PDZRN4: variants seen among roughly 807,000 people sequenced by gnomAD.
The protein encoded by PDZRN4 is PDZ domain containing ring finger 4, also known as PDZ domain-containing RING finger protein 4.
PDZRN4 carries 70 observed loss-of-function variants against 99.0 expected under a neutral mutation model. The ratio of observed to expected loss-of-function variants is 0.71; its 90% CI spans 0.58 to 0.86. The LOEUF (loss-of-function observed/expected upper bound fraction) is 0.86. PDZRN4 is among the 40% of genes least tolerant of loss of function. The pLI, the probability that PDZRN4 is intolerant of heterozygous loss-of-function variation, is 0.00. For missense variants in PDZRN4, 1,474 were observed against 1,331.2 expected (o/e 1.11, Z -1.67); for synonymous variants, 551 against 501.6 (o/e 1.10, Z -1.32).
intron 3 of PDZRN4, among the ~76,000 whole-genome samples, chr12:41,440,505 C>G (rs1952669605): frequency 6.6e-6 from 1 of 152,002 alleles, no homozygotes. Flanking sequence ...CTGAGGAGTC[C>G]AGTAAAACAA....
At chr12:41,235,619 T>C (rs1279207169) in intron 3 of PDZRN4, among the ~76,000 whole-genome samples, 1 of 152,086 alleles carries the variant, frequency 6.6e-6, no homozygotes, top group Non-Finnish European at 1.5e-5. Context: ...CTTATGTTTT[T>C]TAGAAAAAAA....
intron 3 of PDZRN4, among the ~76,000 whole-genome samples, chr12:41,222,446 A>G (rs1373331026): frequency 1.3e-5 from 2 of 152,268 alleles, no homozygotes; most frequent in African/African-American, 4.8e-5. Flanking sequence ...CTCATTTCGT[A>G]TAAAATGAGT....
chr12:41,382,238 T>C (rs1952133243), intron 3 of PDZRN4, among the ~76,000 whole-genome samples: 1 of 152,168 alleles, frequency 6.6e-6, no homozygotes, highest in South Asian at 2.1e-4. Flanking sequence ...TCTTGCTACA[T>C]TTTCAGGAAT....
At chr12:41,424,868 C>T (rs1208760404) in intron 3 of PDZRN4, among the ~76,000 whole-genome samples, 2 of 152,044 alleles carry the variant, frequency 1.3e-5, no homozygotes, top group African/African-American at 4.8e-5. Flanking sequence ...TGTAAGAGGC[C>T]AGGCCTGACA....
chr12:41,197,080 C>T (rs994069610), intron 3 of PDZRN4, among the ~76,000 whole-genome samples: 1 of 151,958 alleles, frequency 6.6e-6, no homozygotes, highest in African/African-American at 2.4e-5. Flanking sequence ...ATAAGAGATT[C>T]TATGGTTTAT....
At chr12:41,531,581 G>C (rs1021676115) in intron 5 of PDZRN4, among the ~76,000 whole-genome samples, 3 of 152,112 alleles carry the variant, frequency 2.0e-5, no homozygotes. Context: ...CATTTGGGCA[G>C]GAAAAGAAAA....
At chr12:41,350,698 T>C (rs898915171) in intron 3 of PDZRN4, among the ~76,000 whole-genome samples, 1 of 152,122 alleles carries the variant, frequency 6.6e-6, no homozygotes, top group Admixed American at 6.6e-5. Flanking sequence ...AAACAATAGA[T>C]ATAACTTTCA....
chr12:41,233,696 C>A (rs1184392199), intron 3 of PDZRN4, among the ~76,000 whole-genome samples: 1 of 151,870 alleles, frequency 6.6e-6, no homozygotes, highest in Admixed American at 6.6e-5. Flanking sequence ...GGACAAAAAA[C>A]CAAACACCGC....
rs571185631 is a variant in PDZRN4 at position 41,225,419 on chromosome 12, C to T, written c.843+31231C>T. Among the ~76,000 whole-genome samples, 3 of 132,988 alleles carry T rather than the reference C, an allele frequency of 2.3e-5. No individual in the cohort carries two copies. The South Asian group carries it at 8.2e-4, about 36-fold the overall frequency. The allele number at this position is 132,988 out of a possible 152,430, so 87.2% of individuals were successfully genotyped here. A position where few individuals can be genotyped will look rare whatever the true frequency, so the allele number is the denominator to read the frequency against. On this transcript the variant is annotated intron_variant, in intron 3 of 9. Transcript: ENST00000402685. The stretch of plus-strand genomic sequence containing the variant: ...CATTCATATTGGGAAGTATAATTCA[C>T]TTTATATTACACTGTGTTTTTTTTT...
chr12:41,417,934 T>TAA (rs1952457558), intron 3 of PDZRN4, among the ~76,000 whole-genome samples: 1 of 152,238 alleles, frequency 6.6e-6, no homozygotes, highest in South Asian at 2.1e-4. Flanking sequence ...GATAGCCATG[T>TAA]AACACAAACT....
intron 3 of PDZRN4, among the ~76,000 whole-genome samples, chr12:41,252,745 A>G (rs2120812178): frequency 6.6e-6 from 1 of 152,272 alleles, no homozygotes; most frequent in South Asian, 2.1e-4. Context: ...GAATAAAAAG[A>G]AAAAAGGCAA....
intron 3 of PDZRN4, among the ~76,000 whole-genome samples, chr12:41,403,341 G>C (rs921894266): frequency 2.0e-5 from 3 of 152,102 alleles, no homozygotes; most frequent in African/African-American, 7.2e-5. Context: ...CTGTGAGCTG[G>C]AAAGACCATT....
At chr12:41,277,380 G>A (rs1418398137) in intron 3 of PDZRN4, among the ~76,000 whole-genome samples, 1 of 152,108 alleles carries the variant, frequency 6.6e-6, no homozygotes, top group East Asian at 1.9e-4. Flanking sequence ...AAAATAAAAC[G>A]GGCGTGAGTT....
intron 3 of PDZRN4, among the ~76,000 whole-genome samples, chr12:41,331,754 G>A (rs73124826): frequency 0.055 from 8,391 of 152,116 alleles, 289 homozygotes; most frequent in East Asian, 0.15. Flanking sequence ...ATGGTGAAAG[G>A]CACCTCTTTA....
At chr12:41,539,318 T>C (rs1429612722) in intron 5 of PDZRN4, among the ~76,000 whole-genome samples, 1 of 152,076 alleles carries the variant, frequency 6.6e-6, no homozygotes, top group Non-Finnish European at 1.5e-5. Context: ...AAGTTTAACA[T>C]CAATATTTTA....
At chr12:41,190,736 A>G (rs981160618) in intron 1 of PDZRN4, among the ~76,000 whole-genome samples, 3 of 152,242 alleles carry the variant, frequency 2.0e-5, no homozygotes, top group African/African-American at 7.2e-5. Flanking sequence ...TAACATCTAC[A>G]ACCATGAATA....
intron 3 of PDZRN4, among the ~76,000 whole-genome samples, chr12:41,349,561 C>T (rs1238734091): frequency 1.3e-5 from 2 of 151,832 alleles, no homozygotes; most frequent in African/African-American, 4.8e-5. Context: ...TGAAAAGACT[C>T]ACTATTTATT....
intron 5 of PDZRN4, among the ~76,000 whole-genome samples, chr12:41,510,398 G>A (rs1938285805): frequency 6.6e-6 from 1 of 152,054 alleles, no homozygotes; most frequent in African/African-American, 2.4e-5. Flanking sequence ...AATAGAGATG[G>A]CCTCATGCCC....
In PDZRN4 at chr12:41,188,793, G is replaced by C; in HGVS notation, c.338G>C (p.Arg113Pro). Residue 113 changes from arginine to proline, a missense_variant, in exon 1 of 10, where the codon CGC becomes CCC. By Grantham distance (103) the Arg-to-Pro change is moderately radical. Transcript: ENST00000402685. ...GACTTCGGCCCTGCCCGCCGGCTCC[G>C]CAGCCGCGGGGGCTGCGCTTCGGGG... is the stretch of plus-strand genomic sequence containing the variant. ...HCDFGPARRL[R>P]SRGGCASGLG... 1 of 1,357,176 alleles carries C rather than the reference G, an allele frequency of 7.4e-7. No homozygotes were observed. The highest frequency in any genetic ancestry group is 9.4e-7 in the Non-Finnish European group (1 of 1,061,730). 84.1% of individuals were successfully genotyped at this position (1,357,176 alleles called of 1,614,324 possible).
Sources: gnomAD v4.1 joint callset for allele counts (sites outside exome capture counted in the v4.1 genomes callset) on GRCh38, gnomAD v4.1.1 for gene constraint, MANE v1.5 for transcripts, NCBI Gene and HGNC (gene_info 2026-07-23, HGNC 2026-07-21) for gene names.